The following WASHC4 variants were observed in gnomAD, a reference collection of about 807,000 sequenced individuals.
The protein encoded by WASHC4 is WASH complex subunit 4, also known as WASH complex subunit 7.
WASHC4 carries 86 observed loss-of-function variants against 166.6 expected under a neutral mutation model. The ratio of observed to expected loss-of-function variants is 0.52; its 90% CI spans 0.43 to 0.62. The LOEUF is 0.62. Among genes scored for constraint, WASHC4 ranks in the 20% least tolerant of loss-of-function variants. WASHC4 has a pLI of 0.00. For synonymous variants in WASHC4, 446 were observed against 451.6 expected, an observed-to-expected ratio of 0.99 and a Z score of 0.16; for missense variants, 1,262 against 1,382.4, an observed-to-expected ratio of 0.91 and a Z score of 1.38.
At chr12:105,147,284 G>C (rs956073641) in intron 24 of WASHC4, 138 bp downstream of exon 24, 2 of 671,502 alleles carry the variant, frequency 3.0e-6, no homozygotes, top group Non-Finnish European at 5.3e-6. Flanking sequence ...TTTCTGGTTA[G>C]TAATTAAAAT....
chr12:105,168,278 A>C lies in WASHC4; in HGVS notation c.*1347A>C, dbSNP rs542363158. ...CTTTAATTGTTAAAAGTCAGAAGAG[A>C]CAGAATATGTAGGAAATGTTTTTTG... is the stretch of plus-strand genomic sequence containing the variant. On this transcript the variant is annotated 3_prime_UTR_variant, in exon 33 of 33. Coordinates refer to ENST00000332180, the MANE Select transcript of WASHC4 (RefSeq NM_015275.3). The C allele has an allele frequency of 5.2e-5, 8 of 152,642 alleles. No homozygotes were observed. Among genetic ancestry groups the C allele is most frequent in the African/African-American group, 1.7e-4 (7 of 41,564 alleles). The allele number at this position is 152,642 out of a possible 1,614,324, so 9.5% of individuals were successfully genotyped here. A position where few individuals can be genotyped will look rare whatever the true frequency, so the allele number is the denominator to read the frequency against.
chr12:105,117,224 T>A (rs1880272033), intron 6 of WASHC4, among the ~76,000 whole-genome samples: 1 of 152,220 alleles, frequency 6.6e-6, no homozygotes, highest in Non-Finnish European at 1.5e-5. Flanking sequence ...TGTCTGACAG[T>A]ATAATAATAA....
At chr12:105,156,858 T>A in intron 27 of WASHC4, 66 bp downstream of exon 27, 6 of 1,101,712 alleles carry the variant, frequency 5.4e-6, no homozygotes, top group Non-Finnish European at 8.4e-6. Context: ...ATTAAATATA[T>A]GTTACAAGTG....
Position 105,140,799 on chromosome 12 carries a change from T to C in WASHC4, c.1561-100T>C, listed in dbSNP as rs1592889812. ...AAATGGGGAAAGTATTTGTGTATGCTCTCTTAAATTGAATCATGGAAAAGA... is the reference window on the plus strand; with the variant it reads ...AAATGGGGAAAGTATTTGTGTATGCCCTCTTAAATTGAATCATGGAAAAGA... On this transcript the variant is annotated intron_variant, in intron 16 of 32. Coordinates refer to ENST00000332180, the MANE Select transcript of WASHC4 (RefSeq NM_015275.3). The C allele has an allele frequency of 5.1e-6, 6 of 1,167,084 alleles. No homozygotes were observed. In the East Asian group the frequency reaches 1.2e-4, roughly 23 times the overall value. The allele number at this position is 1,167,084 out of a possible 1,614,324, so 72.3% of individuals were successfully genotyped here.
chr12:105,134,123 A>T (rs1882103847), intron 14 of WASHC4, among the ~76,000 whole-genome samples: 1 of 151,980 alleles, frequency 6.6e-6, no homozygotes, highest in African/African-American at 2.4e-5. Context: ...AGAAGTTTTG[A>T]TATGTTGTAT....
At position 105,148,480 on chromosome 12, in the gene WASHC4, A is replaced by G. The variant is rs1160973539; in HGVS notation, c.2515-1135A>G. On this transcript the variant is annotated intron_variant, in intron 24 of 32. Transcript: ENST00000332180. The stretch of plus-strand genomic sequence containing the variant: ...TAGATGTTCATCAGTTAATTACACT[A>G]ATGAATGTAGATTACTGATGTCTGT... 14 of 984,450 alleles carry G rather than the reference A, an allele frequency of 1.4e-5. No homozygotes were observed. The Admixed American group carries it at 8.0e-4, about 56-fold the overall frequency. The allele number at this position is 984,450 out of a possible 1,614,324, so 61.0% of individuals were successfully genotyped here.
intron 28 of WASHC4, among the ~76,000 whole-genome samples, chr12:105,158,958 T>A (rs1884330831): frequency 6.6e-6 from 1 of 152,096 alleles, no homozygotes; most frequent in Admixed American, 6.5e-5. Context: ...AATAAAAAAG[T>A]ATATGGGAAA....
intron 29 of WASHC4, among the ~76,000 whole-genome samples, chr12:105,161,976 G>A (rs1392348314): frequency 6.6e-6 from 1 of 152,190 alleles, no homozygotes; most frequent in Admixed American, 6.5e-5. Flanking sequence ...AATTCAGCTT[G>A]TCAGTCACAC....
Position 105,114,196 on chromosome 12 carries a change from C to A in WASHC4, c.202-20C>A. On this transcript the variant is annotated intron_variant, in intron 2 of 32. Transcript: ENST00000332180. ...TATTTTTCAAATTAAAAGAAATGTT[C>A]TTTTCCTTTGTTTCTGTAGCTTTTG... 6.2e-7 allele frequency: 1 copy of A among 1,602,360 alleles called. No individual in the cohort carries two copies. Among genetic ancestry groups the A allele is most frequent in the South Asian group, 1.1e-5 (1 of 90,194 alleles).
chr12:105,166,986 T>A lies in WASHC4; in HGVS notation c.*55T>A, dbSNP rs1314953897. 11 of 1,231,384 alleles carry A rather than the reference T, an allele frequency of 8.9e-6. No homozygotes were observed. Among genetic ancestry groups the A allele is most frequent in the Non-Finnish European group, 1.3e-5 (11 of 840,740 alleles). The allele number at this position is 1,231,384 out of a possible 1,614,324, so 76.3% of individuals were successfully genotyped here. A position where few individuals can be genotyped will look rare whatever the true frequency, so the allele number is the denominator to read the frequency against. On this transcript the variant is annotated 3_prime_UTR_variant, in exon 33 of 33. Coordinates refer to ENST00000332180, the MANE Select transcript of WASHC4 (RefSeq NM_015275.3). ...AAATCATCAGAATTGTTAAAACTTT[T>A]GCCAGTGGAATGGATAAACTATTGA...
Position 105,141,010 on chromosome 12 carries a change from A to C in WASHC4, c.1672A>C (p.Ile558Leu), listed in dbSNP as rs1350827934. ...NGPSTKQRRL[I>L]VSLALSVGTQ... ...ACCAAGCACAAAGCAACGGCGACTT[A>C]TTGTTTCTTTGGCACTAAGTGTTGG... The change falls in exon 17 of 33, where the codon ATT becomes CTT. Residue 558 changes from isoleucine (I) to leucine (L), a missense_variant. Coordinates refer to ENST00000332180, the MANE Select transcript of WASHC4 (RefSeq NM_015275.3). 1 of 1,614,160 alleles carries C rather than the reference A, an allele frequency of 6.2e-7. No individual in the cohort carries two copies. Among genetic ancestry groups the C allele is most frequent in the South Asian group, 1.1e-5 (1 of 91,084 alleles).
intron 27 of WASHC4, 132 bp from the exon 28 acceptor site, chr12:105,157,104 A>C: frequency 1.5e-6 from 1 of 645,350 alleles, no homozygotes; most frequent in Non-Finnish European, 2.7e-6. Flanking sequence ...TATGAATAAT[A>C]TTACTGAAAT....
intron 22 of WASHC4, among the ~76,000 whole-genome samples, chr12:105,145,330 A>G (rs767715322): frequency 6.6e-6 from 1 of 152,030 alleles, no homozygotes; most frequent in Non-Finnish European, 1.5e-5. Context: ...TAGCTTTGCT[A>G]ATTCAATTAG....
intron 6 of WASHC4, among the ~76,000 whole-genome samples, chr12:105,117,747 A>C (rs931424765): frequency 6.6e-6 from 1 of 152,196 alleles, no homozygotes; most frequent in African/African-American, 2.4e-5. Context: ...ATAGAGCTTA[A>C]AATTTAGATC....
chr12:105,108,840 GTT>G (rs1246635218), intron 1 of WASHC4, among the ~76,000 whole-genome samples: 48 of 152,208 alleles, frequency 3.2e-4, no homozygotes, highest in Middle Eastern at 6.8e-3. Flanking sequence ...TGCCTACAAT[GTT>G]AGATGAATTA....
chr12:105,146,933 A>G lies in WASHC4; in HGVS notation c.2410-109A>G, dbSNP rs963243434. On this transcript the variant is annotated intron_variant, in intron 23 of 32. Coordinates refer to ENST00000332180, the MANE Select transcript of WASHC4 (RefSeq NM_015275.3). The stretch of plus-strand genomic sequence containing the variant: ...CTGTACTGTCTTGATTGCATTTTCA[A>G]TTAAATTGTCTTTAATGAAATAGAT... The G allele has an allele frequency of 4.1e-6, 3 of 733,214 alleles. No individual in the cohort carries two copies. The African/African-American group carries it at 5.2e-5, about 13-fold the overall frequency. The allele number at this position is 733,214 out of a possible 1,614,324, so 45.4% of individuals were successfully genotyped here.
In WASHC4 at chr12:105,108,970, T is replaced by C. The variant is rs554549566; in HGVS notation, c.61+1109T>C. 3.9e-4 allele frequency among the ~76,000 whole-genome samples: 60 copies of C among 152,248 alleles called. 2 individuals are homozygous for C. The South Asian group carries it at 0.012, about 31-fold the overall frequency. ...GCCTGGCTAACATGGTGAAACCCCGTCTCTACTAAAAAATAAATAGCTGGG... is the reference window on the plus strand; with the variant it reads ...GCCTGGCTAACATGGTGAAACCCCGCCTCTACTAAAAAATAAATAGCTGGG... On this transcript the variant is annotated intron_variant, in intron 1 of 32. Transcript: ENST00000332180.
At chr12:105,131,947 G>A (rs1329282492) in intron 13 of WASHC4, among the ~76,000 whole-genome samples, 1 of 152,182 alleles carries the variant, frequency 6.6e-6, no homozygotes, top group Non-Finnish European at 1.5e-5. Context: ...TCTTGAGATT[G>A]ACAGTTTGCC....
At chr12:105,149,521 A>C in intron 24 of WASHC4, 94 bp from the exon 25 acceptor site, 1 of 1,065,036 alleles carries the variant, frequency 9.4e-7, no homozygotes, top group Non-Finnish European at 1.3e-6. Flanking sequence ...AGGTAGTACA[A>C]ATAGATAACT....
Sources: allele counts gnomAD v4.1 joint callset (sites outside exome capture counted in the v4.1 genomes callset), GRCh38; gene constraint gnomAD v4.1.1; transcripts MANE v1.5; gene names NCBI Gene and HGNC (gene_info 2026-07-23, HGNC 2026-07-21).